The following PTGES3 variants were observed in gnomAD, a reference collection of about 807,000 sequenced individuals.
The protein encoded by PTGES3 is prostaglandin E synthase 3.
PTGES3 carries 5 observed loss-of-function variants against 29.9 expected under a neutral mutation model. That is an observed-to-expected ratio of 0.17 (90% CI 0.09 to 0.35). The LOEUF (loss-of-function observed/expected upper bound fraction) is 0.35. Among genes scored for constraint, PTGES3 ranks in the 10% least tolerant of loss-of-function variants. PTGES3 has a pLI of 1.00. For missense variants in PTGES3, 128 were observed against 190.0 expected, an observed-to-expected ratio of 0.67 and a Z score of 1.92; for synonymous variants, 49 against 57.8, an observed-to-expected ratio of 0.85 and a Z score of 0.69.
At chr12:56,674,184 G>A (rs1952124830) in intron 1 of PTGES3, among the ~76,000 whole-genome samples, 1 of 152,114 alleles carries the variant, frequency 6.6e-6, no homozygotes, top group Non-Finnish European at 1.5e-5. Flanking sequence ...TAAATATGAG[G>A]TCTTAGGATA....
At chr12:56,670,812 T>A (rs1475170583) in intron 4 of PTGES3, 1 of 163,644 alleles carries the variant, frequency 6.1e-6, no homozygotes, top group Non-Finnish European at 1.3e-5. Context: ...ACACAAAGAA[T>A]AGACTAAGCT....
chr12:56,675,451 C>T (rs371757230), intron 1 of PTGES3, among the ~76,000 whole-genome samples: 1 of 147,302 alleles, frequency 6.8e-6, no homozygotes, highest in Non-Finnish European at 1.5e-5. Flanking sequence ...TTTAAAAAAA[C>T]ACAGGAGGCG....
chr12:56,671,757 T>C lies in PTGES3; in HGVS notation c.277A>G (p.Arg93Gly), dbSNP rs1327595770. Reference sequence around the variant, plus strand: ...AGGAAAATGAAACCTACCTTTGCCCTTTCTTTTGTTAACCTTGGCCATGAC... The same window carrying C: ...AGGAAAATGAAACCTACCTTTGCCCCTTCTTTTGTTAACCTTGGCCATGAC... ...GQSWPRLTKE[R>G]AKLNWLSVDF... Residue 93 changes from arginine to glycine, a missense_variant, in exon 4 of 8, where the codon AGG becomes GGG. Transcript: ENST00000262033. 2 of 1,546,100 alleles carry C rather than the reference T, an allele frequency of 1.3e-6. No individual in the cohort carries two copies. Among genetic ancestry groups the C allele is most frequent in the Non-Finnish European group, 1.7e-6 (2 of 1,146,480 alleles).
At chr12:56,665,332 G>A (rs949062420) in intron 6 of PTGES3, 63 of 939,410 alleles carry the variant, frequency 6.7e-5, no homozygotes, top group Non-Finnish European at 7.0e-5. Flanking sequence ...GTCTTGCTCT[G>A]TCACCCAGGC....
intron 1 of PTGES3, among the ~76,000 whole-genome samples, chr12:56,684,074 A>G (rs1006150853): frequency 6.6e-6 from 1 of 152,192 alleles, no homozygotes; most frequent in African/African-American, 2.4e-5. Flanking sequence ...TATGCTCACT[A>G]GAGTATTTTT....
chr12:56,673,730 T>C (rs1250132962), intron 1 of PTGES3, among the ~76,000 whole-genome samples: 4 of 144,052 alleles, frequency 2.8e-5, no homozygotes, highest in African/African-American at 5.2e-5. Flanking sequence ...GAGGCGGAGG[T>C]TGCAATGAGC....
intron 1 of PTGES3, among the ~76,000 whole-genome samples, chr12:56,677,898 G>A (rs893648993): frequency 2.6e-4 from 39 of 152,120 alleles, no homozygotes; most frequent in African/African-American, 8.7e-4. Context: ...ATGGGGCCCT[G>A]ATACATCTTG....
intron 1 of PTGES3, among the ~76,000 whole-genome samples, chr12:56,685,212 A>T (rs1362358748): frequency 6.6e-6 from 1 of 152,144 alleles, no homozygotes; most frequent in Non-Finnish European, 1.5e-5. Context: ...CAAATAACTG[A>T]CTTACAACTT....
intron 6 of PTGES3, chr12:56,665,025 G>A (rs1369446217): frequency 2.0e-6 from 2 of 985,348 alleles, no homozygotes; most frequent in Non-Finnish European, 2.4e-6. Context: ...GTGCCTTTTG[G>A]TGACAATTTA....
intron 1 of PTGES3, among the ~76,000 whole-genome samples, chr12:56,682,553 C>G (rs1952592761): frequency 6.6e-6 from 1 of 151,786 alleles, no homozygotes; most frequent in African/African-American, 2.4e-5. Context: ...GAGACAGTGT[C>G]TCAGAAAAGA....
intron 1 of PTGES3, among the ~76,000 whole-genome samples, chr12:56,680,002 A>G (rs940016880): frequency 3.3e-5 from 5 of 151,860 alleles, no homozygotes; most frequent in African/African-American, 1.2e-4. Flanking sequence ...GGAGAAAAAG[A>G]GATGGTGTAA....
chr12:56,685,405 T>TC (rs1565880031), intron 1 of PTGES3, among the ~76,000 whole-genome samples: 1 of 23,424 alleles, frequency 4.3e-5, no homozygotes, highest in Non-Finnish European at 1.1e-4. Context: ...TTTTCTTTTT[T>TC]TTTTTTTTTT....
intron 1 of PTGES3, among the ~76,000 whole-genome samples, chr12:56,676,920 CAAAAAA>C (rs34739170): frequency 8.3e-4 from 42 of 50,546 alleles, no homozygotes; most frequent in African/African-American, 2.3e-3. Context: ...GATTCCGACT[CAAAAAA>C]AAAAAAAAAA....
intron 1 of PTGES3, among the ~76,000 whole-genome samples, chr12:56,679,826 C>T (rs905571908): frequency 6.6e-6 from 1 of 152,160 alleles, no homozygotes; most frequent in African/African-American, 2.4e-5. Context: ...AGGTGCCTGC[C>T]ACCATGCCCG....
intron 6 of PTGES3, chr12:56,665,620 T>G: frequency 1.0e-6 from 1 of 985,424 alleles, no homozygotes; most frequent in Non-Finnish European, 1.2e-6. Flanking sequence ...ACTTTCTTAG[T>G]CAAAATCATA....
At chr12:56,679,488 CATA>C (rs1188738787) in intron 1 of PTGES3, among the ~76,000 whole-genome samples, 1 of 147,238 alleles carries the variant, frequency 6.8e-6, no homozygotes, top group Non-Finnish European at 1.5e-5. Flanking sequence ...AGATTATTTA[CATA>C]ATGTATGCAG....
Sources: gnomAD v4.1 joint callset for allele counts (sites outside exome capture counted in the v4.1 genomes callset) on GRCh38, gnomAD v4.1.1 for gene constraint, MANE v1.5 for transcripts, NCBI Gene and HGNC (gene_info 2026-07-23, HGNC 2026-07-21) for gene names.